KIF1B: variants seen among roughly 807,000 people sequenced by gnomAD.
KIF1B encodes kinesin family member 1B.
A neutral mutation model predicts 241.9 loss-of-function variants in KIF1B; 76 were observed. The observed-to-expected ratio is 0.31, with a 90% CI of 0.26 to 0.38. The LOEUF (loss-of-function observed/expected upper bound fraction) is 0.38, where lower values mean the gene tolerates loss of function less well. KIF1B is among the 10% of genes least tolerant of loss of function. The probability of loss-of-function intolerance (pLI) is 1.00; values close to 1 mark genes in which losing one functional copy is unlikely to be tolerated. For missense variants in KIF1B, 1,622 were observed against 2,271.4 expected, an observed-to-expected ratio of 0.71 and a Z score of 5.81; for synonymous variants, 750 against 796.7, an observed-to-expected ratio of 0.94 and a Z score of 0.99.
intron 43 of KIF1B, among the ~76,000 whole-genome samples, chr1:10,366,923 A>C (rs1638592898): frequency 1.3e-5 from 2 of 151,662 alleles, no homozygotes; most frequent in African/African-American, 4.8e-5. Context: ...GTGAGCCGAG[A>C]TCGCGCCACT....
intron 11 of KIF1B, among the ~76,000 whole-genome samples, chr1:10,275,992 G>A (rs1231917097): frequency 6.7e-6 from 1 of 150,212 alleles, no homozygotes. Flanking sequence ...TGCAGCCTCC[G>A]CCTCCTGGGT....
chr1:10,278,047 A>T lies in KIF1B; in HGVS notation c.1099A>T (p.Lys367Ter). ...NAVINEDPNA[K>*]LVRELKEEVT... ...TGTTATCAATGAGGACCCCAATGCCAAACTGGTTCGTGAATTAAAGGAGGA... is the reference window on the plus strand; with the variant it reads ...TGTTATCAATGAGGACCCCAATGCCTAACTGGTTCGTGAATTAAAGGAGGA... The change falls in exon 13 of 49, where the codon AAA becomes TAA. Residue 367 changes from lysine to a stop codon, truncating the protein, a stop_gained. Coordinates refer to ENST00000676179, the MANE Select transcript of KIF1B (RefSeq NM_001365951.3). LOFTEE classifies it high-confidence loss of function. 1 of 1,614,096 alleles carries T rather than the reference A, an allele frequency of 6.2e-7. No homozygotes were observed. The highest frequency in any genetic ancestry group is 8.5e-7 in the Non-Finnish European group (1 of 1,179,958).
At position 10,296,965 on chromosome 1, in the gene KIF1B, C is replaced by A. The variant is rs1195706897; in HGVS notation, c.1930C>A (p.Arg644=). ...CCACCCGGAACAAGCACGAGCTGAGCGAGAGAAGACTCCTTCTGCTGAGAC... is the reference window on the plus strand; with the variant it reads ...CCACCCGGAACAAGCACGAGCTGAGAGAGAGAAGACTCCTTCTGCTGAGAC... ...FNHPEQARAE[R]EKTPSAETPS... is the part of the protein sequence containing the mutation. Residue 644 remains arginine, a synonymous_variant, in exon 21 of 49, where the codon CGA becomes AGA. Coordinates refer to ENST00000676179, the MANE Select transcript of KIF1B (RefSeq NM_001365951.3). The A allele has an allele frequency of 1.2e-6, 2 of 1,613,970 alleles. No homozygotes were observed. The highest frequency in any genetic ancestry group is 3.3e-5 in the Admixed American group (2 of 59,998).
intron 10 of KIF1B, among the ~76,000 whole-genome samples, 174 bp from the exon 11 acceptor site, chr1:10,275,254 C>T (rs1177507532): frequency 3.3e-5 from 5 of 151,996 alleles, no homozygotes; most frequent in Non-Finnish European, 7.4e-5. Flanking sequence ...AAAAAATTAC[C>T]TTGTTGCGTG....
intron 31 of KIF1B, among the ~76,000 whole-genome samples, chr1:10,339,186 C>T (rs923828683): frequency 2.0e-5 from 3 of 152,136 alleles, no homozygotes; most frequent in East Asian, 1.9e-4. Flanking sequence ...TTCTGTGTGT[C>T]GAGACCTGTG....
At chr1:10,273,723 A>AC (rs1648935466) in intron 10 of KIF1B, among the ~76,000 whole-genome samples, 1 of 121,212 alleles carries the variant, frequency 8.3e-6, no homozygotes, top group Non-Finnish European at 1.9e-5. Context: ...AAAAAAAAAA[A>AC]AAAAAAAAAA....
intron 34 of KIF1B, among the ~76,000 whole-genome samples, chr1:10,345,181 T>C (rs539747753): frequency 6.6e-6 from 1 of 152,214 alleles, no homozygotes; most frequent in South Asian, 2.1e-4. Flanking sequence ...GCATATGGAA[T>C]TTAAATCTGA....
intron 15 of KIF1B, among the ~76,000 whole-genome samples, chr1:10,285,679 T>C (rs1649652192): frequency 6.6e-6 from 1 of 152,218 alleles, no homozygotes; most frequent in African/African-American, 2.4e-5. Context: ...CATAAGCACC[T>C]TAGTTCTGCT....
chr1:10,310,205 C>T (rs1182434048), intron 22 of KIF1B, among the ~76,000 whole-genome samples: 1 of 151,554 alleles, frequency 6.6e-6, no homozygotes, highest in Non-Finnish European at 1.5e-5. Flanking sequence ...ACTTTAATGT[C>T]AGTTAGAATT....
intron 17 of KIF1B, among the ~76,000 whole-genome samples, chr1:10,293,539 C>A (rs1650115515): frequency 6.6e-6 from 1 of 151,874 alleles, no homozygotes; most frequent in South Asian, 2.1e-4. Context: ...GGACTGCAGG[C>A]ACATGCCACC....
chr1:10,340,516 T>C (rs1249097284), intron 32 of KIF1B, among the ~76,000 whole-genome samples: 1 of 152,234 alleles, frequency 6.6e-6, no homozygotes, highest in East Asian at 1.9e-4. Flanking sequence ...AGATAATCCC[T>C]GTGTTAGCTG....
At chr1:10,267,175 C>T (rs1272285359) in intron 5 of KIF1B, among the ~76,000 whole-genome samples, 2 of 152,054 alleles carry the variant, frequency 1.3e-5, no homozygotes, top group Non-Finnish European at 2.9e-5. Context: ...TGTGCCACCA[C>T]GCCTGGCTCC....
intron 17 of KIF1B, among the ~76,000 whole-genome samples, chr1:10,293,982 T>C (rs1650136617): frequency 6.6e-6 from 1 of 152,226 alleles, no homozygotes; most frequent in Non-Finnish European, 1.5e-5. Flanking sequence ...CAAAGGGCTT[T>C]GACTTTCTCA....
rs866721796 is a variant in KIF1B, at chr1:10,374,432, A to G, written c.5063A>G (p.Asn1688Ser). 9.9e-6 allele frequency: 16 copies of G among 1,614,106 alleles called. No homozygotes were observed. The Middle Eastern group carries it at 1.5e-3, about 149-fold the overall frequency. Residue 1688 changes from asparagine to serine, a missense_variant, in exon 46 of 49, where the codon AAT (asparagine) becomes AGT (serine). Physicochemically the swap from Asn to Ser is conservative, Grantham distance 46. Coordinates refer to ENST00000676179, the MANE Select transcript of KIF1B (RefSeq NM_001365951.3). The surrounding 1 kb of genome is among the most constrained non-coding windows in gnomAD (Gnocchi z 4.3). ...CGAGCAGGAAAAAACGAATTTCTCA[A>G]TCTTGTTCCAGATATTGAAGAAATT... is the stretch of plus-strand genomic sequence containing the variant. ...LARAGKNEFL[N>S]LVPDIEEIRP...
At chr1:10,234,344 A>C (rs2102133348) in intron 2 of KIF1B, among the ~76,000 whole-genome samples, 1 of 151,150 alleles carries the variant, frequency 6.6e-6, no homozygotes, top group Middle Eastern at 3.5e-3. Context: ...AGTAGCTGGG[A>C]TTACAGGCAC....
At chr1:10,333,517 C>T (rs1313934847) in intron 27 of KIF1B, among the ~76,000 whole-genome samples, 3 of 151,944 alleles carry the variant, frequency 2.0e-5, no homozygotes, top group Non-Finnish European at 4.4e-5. Flanking sequence ...TGGTGAAACC[C>T]TGTCTCTAGT....
chr1:10,279,758 ATGATCG>A (rs1649314560), intron 14 of KIF1B, among the ~76,000 whole-genome samples: 1 of 132,800 alleles, frequency 7.5e-6, no homozygotes, highest in Non-Finnish European at 1.5e-5. Flanking sequence ...GTGTAATGAC[ATGATCG>A]TGGCCCACTG....
intron 34 of KIF1B, among the ~76,000 whole-genome samples, chr1:10,343,906 C>T (rs1306681092): frequency 1.3e-5 from 2 of 152,172 alleles, no homozygotes; most frequent in Admixed American, 6.5e-5. Flanking sequence ...TTGCATGTAA[C>T]TTCCCATAAC....
At position 10,282,378 on chromosome 1, in the gene KIF1B, C is replaced by T. The variant is rs761144283; in HGVS notation, c.1279C>T (p.Arg427Cys). ...HRYLLASENQ[R>C]PGHFSTASMG... is the part of the protein sequence containing the mutation. ...ATACTTGCTAGCCTCTGAGAATCAACGCCCTGGCCATTTTTCCACAGCATC... is the reference window on the plus strand; with the variant it reads ...ATACTTGCTAGCCTCTGAGAATCAATGCCCTGGCCATTTTTCCACAGCATC... The change falls in exon 15 of 49, where the codon CGC (arginine) becomes TGC (cysteine). Residue 427 changes from arginine to cysteine, a missense_variant. Around this residue, in one of 7 missense-constraint regions of KIF1B, gnomAD observed 201 missense variants for 301.2 expected, o/e 0.67. Coordinates refer to ENST00000676179, the MANE Select transcript of KIF1B (RefSeq NM_001365951.3). 4.3e-6 allele frequency: 7 copies of T among 1,614,038 alleles called. No individual in the cohort carries two copies. Among genetic ancestry groups the T allele is most frequent in the African/African-American group, 1.3e-5 (1 of 74,926 alleles).
Sources: gnomAD v4.1 joint callset for allele counts (sites outside exome capture counted in the v4.1 genomes callset) on GRCh38, gnomAD v4.1.1 for gene constraint, gnomAD v4.1.1 regional missense constraint, Gnocchi (gnomAD v3.1) non-coding constraint, MANE v1.5 for transcripts, NCBI Gene and HGNC (gene_info 2026-07-23, HGNC 2026-07-21) for gene names.